The following CFAP52 variants were observed in gnomAD, a reference collection of about 807,000 sequenced individuals.
The protein encoded by CFAP52 is cilia and flagella associated protein 52.
Under a neutral mutation model 70.5 loss-of-function variants are expected in CFAP52, and 57 were observed. That is an observed-to-expected ratio of 0.81 (90% confidence interval 0.65 to 1.01). CFAP52 has a LOEUF of 1.01. Among genes scored for constraint, CFAP52 ranks in the 50% least tolerant of loss-of-function variants. CFAP52 has a pLI of 0.00. For synonymous variants in CFAP52, 267 were observed against 292.5 expected, an observed-to-expected ratio of 0.91 and a Z score of 0.89; for missense variants, 785 against 788.5, an observed-to-expected ratio of 1.00 and a Z score of 0.05.
At chr17:9,585,598 G>A (rs1231365909) in intron 1 of CFAP52, among the ~76,000 whole-genome samples, 175 bp from the exon 2 acceptor site, 1 of 72,520 alleles carries the variant, frequency 1.4e-5, no homozygotes, top group Non-Finnish European at 2.6e-5. Context: ...TTGAACCCAG[G>A]AGGTGAAGGT....
At chr17:9,642,341 C>G (rs757616996) in intron 13 of CFAP52, among the ~76,000 whole-genome samples, 1 of 152,166 alleles carries the variant, frequency 6.6e-6, no homozygotes, top group Non-Finnish European at 1.5e-5. Flanking sequence ...CAAATAAATG[C>G]GGCCAGGCGT....
chr17:9,641,898 C>T, intron 13 of CFAP52, 63 bp downstream of exon 13: 1 of 1,444,926 alleles, frequency 6.9e-7, no homozygotes. Context: ...GGAAGGAACT[C>T]CCAGGCTAGA....
chr17:9,641,595 T>A, intron 12 of CFAP52, 129 bp from the exon 13 acceptor site: 1 of 589,174 alleles, frequency 1.7e-6, no homozygotes, highest in South Asian at 2.5e-5. Flanking sequence ...TATTTATAAT[T>A]TCAGCCAGTA....
chr17:9,629,724 G>T (rs1395908134), intron 9 of CFAP52, among the ~76,000 whole-genome samples: 5 of 147,054 alleles, frequency 3.4e-5, no homozygotes, highest in African/African-American at 1.4e-4. Flanking sequence ...AAGTATCTGG[G>T]ACTACAGGCG....
chr17:9,630,702 T>A, intron 9 of CFAP52, among the ~76,000 whole-genome samples: 1 of 151,334 alleles, frequency 6.6e-6, no homozygotes, highest in Non-Finnish European at 1.5e-5. Context: ...AGTGCTGGGA[T>A]TACAGGCGTG....
chr17:9,594,461 C>A, intron 4 of CFAP52, 140 bp downstream of exon 4: 1 of 1,123,202 alleles, frequency 8.9e-7, no homozygotes, highest in Non-Finnish European at 1.2e-6. Flanking sequence ...TGATTTTGTA[C>A]TCATTAAAAG....
chr17:9,596,059 GTATA>G (rs796314327), intron 4 of CFAP52, among the ~76,000 whole-genome samples: 1,078 of 85,152 alleles, frequency 0.013, 23 homozygotes, highest in East Asian at 0.065. Context: ...ATATGTGTGT[GTATA>G]TATATATATA....
At chr17:9,636,773 G>A (rs1361317059) in intron 11 of CFAP52, among the ~76,000 whole-genome samples, 9 of 152,154 alleles carry the variant, frequency 5.9e-5, no homozygotes, top group Admixed American at 2.0e-4. Flanking sequence ...ACTGCTGGGC[G>A]CGGTGGCTCC....
intron 5 of CFAP52, 86 bp downstream of exon 5, chr17:9,598,419 G>T: frequency 8.8e-7 from 1 of 1,141,520 alleles, no homozygotes. Flanking sequence ...TGTGTACATG[G>T]GGCTGGGGAT....
intron 6 of CFAP52, among the ~76,000 whole-genome samples, chr17:9,604,543 C>A (rs895381848): frequency 6.6e-6 from 1 of 151,582 alleles, no homozygotes; most frequent in South Asian, 2.1e-4. Flanking sequence ...TGAGGCGGGC[C>A]GATCACCTGA....
intron 9 of CFAP52, among the ~76,000 whole-genome samples, chr17:9,631,854 G>A (rs1396315532): frequency 7.0e-4 from 103 of 146,692 alleles, no homozygotes; most frequent in African/African-American, 2.2e-3. Context: ...TGCAACCTCC[G>A]CCTCCCGGGT....
intron 7 of CFAP52, among the ~76,000 whole-genome samples, chr17:9,612,107 A>G (rs1274081621): frequency 6.6e-6 from 1 of 152,144 alleles, no homozygotes; most frequent in African/African-American, 2.4e-5. Context: ...TTTCCTGACT[A>G]CTTTAACCTA....
Position 9,600,067 on chromosome 17 carries a change from G to A in CFAP52, c.637G>A (p.Val213Met). The change falls in exon 6 of 14, where the codon GTG becomes ATG. Residue 213 changes from valine to methionine, a missense_variant and splice_region_variant. Coordinates refer to ENST00000352665, the MANE Select transcript of CFAP52 (RefSeq NM_145054.5). Reference protein sequence around the residue: ...QLKRIVMSIGVDDDDSFFYLG... With the variant: ...QLKRIVMSIGMDDDDSFFYLG... ...AGATTTCTTTTTCTTGCTTCTTCAGGTGGATGATGATGATAGCTTTTTCTA... is the reference window on the plus strand; with the variant it reads ...AGATTTCTTTTTCTTGCTTCTTCAGATGGATGATGATGATAGCTTTTTCTA... The A allele has an allele frequency of 2.5e-6, 4 of 1,612,982 alleles. No homozygotes were observed. Among genetic ancestry groups the A allele is most frequent in the Non-Finnish European group, 3.4e-6 (4 of 1,179,322 alleles).
At chr17:9,608,260 C>T (rs1449703035) in intron 7 of CFAP52, 41 bp downstream of exon 7, 3 of 1,444,746 alleles carry the variant, frequency 2.1e-6, no homozygotes, top group Non-Finnish European at 2.8e-6. Flanking sequence ...GGTAGAGACC[C>T]ACTAAACGGA....
intron 8 of CFAP52, among the ~76,000 whole-genome samples, chr17:9,623,857 GGTTCATTTAACATCTT>G (rs549588867): frequency 1.4e-3 from 215 of 151,960 alleles, no homozygotes; most frequent in African/African-American, 4.9e-3. Flanking sequence ...CATTTTGCCT[GGTTCATTTAACATCTT>G]TTTAAAAGTA....
chr17:9,640,790 T>C (rs1911016676), intron 12 of CFAP52, among the ~76,000 whole-genome samples: 1 of 152,026 alleles, frequency 6.6e-6, no homozygotes, highest in Non-Finnish European at 1.5e-5. Flanking sequence ...ACTACAGGTG[T>C]GTGCCACCAC....
chr17:9,612,017 G>A (rs1329591303), intron 7 of CFAP52, among the ~76,000 whole-genome samples: 1 of 152,184 alleles, frequency 6.6e-6, no homozygotes, highest in Non-Finnish European at 1.5e-5. Context: ...GTACCCATAT[G>A]CCTGCCTGGA....
chr17:9,628,888 C>T, intron 9 of CFAP52, 68 bp downstream of exon 9: 1 of 1,600,166 alleles, frequency 6.2e-7, no homozygotes, highest in Non-Finnish European at 8.5e-7. Context: ...CACTCTCCTC[C>T]CATACTAGTC....
Position 9,576,771 on chromosome 17 carries a change from G to A in CFAP52, c.70+6G>A. ...CGCCGTGATCGGCTTCAATGGTGAG[G>A]CCTCCAGCATCTTTGGGCTGGCTGG... is the stretch of plus-strand genomic sequence containing the variant. On this transcript the variant is annotated splice_donor_region_variant and intron_variant, in intron 1 of 13. Coordinates refer to ENST00000352665, the MANE Select transcript of CFAP52 (RefSeq NM_145054.5). 1 of 1,610,882 alleles carries A rather than the reference G, an allele frequency of 6.2e-7. No homozygotes were observed. Among genetic ancestry groups the A allele is most frequent in the Non-Finnish European group, 8.5e-7 (1 of 1,178,616 alleles).
Sources: gnomAD v4.1 joint callset for allele counts (sites outside exome capture counted in the v4.1 genomes callset) on GRCh38, gnomAD v4.1.1 for gene constraint, MANE v1.5 for transcripts, NCBI Gene and HGNC (gene_info 2026-07-23, HGNC 2026-07-21) for gene names.